The following PTPRO variants were observed in gnomAD, a reference collection of about 807,000 sequenced individuals.
PTPRO encodes the protein receptor-type tyrosine-protein phosphatase O.
In PTPRO, 62 loss-of-function variants were observed where a neutral mutation model predicts 145.2. The ratio of observed to expected loss-of-function variants is 0.43; its 90% confidence interval spans 0.35 to 0.53. PTPRO has a LOEUF of 0.53. Ranked by LOEUF, PTPRO falls within the 20% of genes least tolerant of loss-of-function variation. The pLI, the probability that PTPRO is intolerant of heterozygous loss-of-function variation, is 0.01. For synonymous variants in PTPRO, 565 were observed against 514.7 expected (o/e 1.10, Z -1.32); for missense variants, 1,345 against 1,482.7 (o/e 0.91, Z 1.53).
chr12:15,475,312 C>A (rs1941629922), intron 1 of PTPRO, among the ~76,000 whole-genome samples: 1 of 152,104 alleles, frequency 6.6e-6, no homozygotes, highest in African/African-American at 2.4e-5. Context: ...GAACTAAAAG[C>A]CAGATTTCAA....
intron 1 of PTPRO, among the ~76,000 whole-genome samples, chr12:15,411,310 A>T (rs1391867135): frequency 6.6e-6 from 1 of 152,320 alleles, no homozygotes; most frequent in Non-Finnish European, 1.5e-5. Flanking sequence ...TACACAAAAA[A>T]CTTAGGCTAT....
At chr12:15,396,796 C>T (rs1939353967) in intron 1 of PTPRO, among the ~76,000 whole-genome samples, 1 of 152,300 alleles carries the variant, frequency 6.6e-6, no homozygotes, top group African/African-American at 2.4e-5. Flanking sequence ...TTAATATAGT[C>T]TTTCCCTTTG....
At chr12:15,530,310 G>T (rs977652000) in intron 12 of PTPRO, among the ~76,000 whole-genome samples, 1 of 152,144 alleles carries the variant, frequency 6.6e-6, no homozygotes, top group African/African-American at 2.4e-5. Context: ...TCTCAGTAAC[G>T]TATAGATCTT....
chr12:15,502,539 T>A (rs1320699393), intron 5 of PTPRO, among the ~76,000 whole-genome samples: 5 of 152,198 alleles, frequency 3.3e-5, no homozygotes, highest in Non-Finnish European at 1.5e-5. Context: ...GCCGCTCTTG[T>A]TCCCTTTAGG....
intron 1 of PTPRO, among the ~76,000 whole-genome samples, chr12:15,451,978 A>G (rs1482983517): frequency 6.6e-6 from 1 of 152,106 alleles, no homozygotes; most frequent in Non-Finnish European, 1.5e-5. Flanking sequence ...TAGCAGAAGA[A>G]AGGAAATAAC....
At chr12:15,445,784 T>C (rs1167122044) in intron 1 of PTPRO, among the ~76,000 whole-genome samples, 1 of 152,176 alleles carries the variant, frequency 6.6e-6, no homozygotes. Flanking sequence ...AATTTCTACT[T>C]GATTTCCTTA....
At chr12:15,379,093 A>G (rs1427549168) in intron 1 of PTPRO, among the ~76,000 whole-genome samples, 1 of 152,180 alleles carries the variant, frequency 6.6e-6, no homozygotes, top group Non-Finnish European at 1.5e-5. Context: ...AAGGTAAAAT[A>G]GTATGGCCAC....
At position 15,562,785 on chromosome 12, in the gene PTPRO, C is replaced by G. The variant is rs150363233; in HGVS notation, c.2711+2509C>G. Among the ~76,000 whole-genome samples, 3 of 148,642 alleles carry G rather than the reference C, an allele frequency of 2.0e-5. No homozygotes were observed. In the East Asian group the frequency reaches 5.9e-4, roughly 29 times the overall value. On this transcript the variant is annotated intron_variant, in intron 17 of 26. Coordinates refer to ENST00000281171, the MANE Select transcript of PTPRO (RefSeq NM_030667.3). Reference sequence around the variant, plus strand: ...GCCATAATGACCCTCATGCTGTACTCAGGTATTTATCTGCTTGTTCTCAAT... The same window carrying G: ...GCCATAATGACCCTCATGCTGTACTGAGGTATTTATCTGCTTGTTCTCAAT...
At chr12:15,328,113 CAAA>C (rs745813599) in intron 1 of PTPRO, among the ~76,000 whole-genome samples, 1 of 117,388 alleles carries the variant, frequency 8.5e-6, no homozygotes. Flanking sequence ...AAACTTGTCT[CAAA>C]AAAAAAAAAA....
chr12:15,433,098 T>C (rs1052565549), intron 1 of PTPRO, among the ~76,000 whole-genome samples: 3 of 152,102 alleles, frequency 2.0e-5, no homozygotes, highest in African/African-American at 4.8e-5. Flanking sequence ...GTCTTCACCA[T>C]GAAATCTTTG....
At chr12:15,452,208 A>G (rs1259900244) in intron 1 of PTPRO, among the ~76,000 whole-genome samples, 1 of 152,206 alleles carries the variant, frequency 6.6e-6, no homozygotes, top group Non-Finnish European at 1.5e-5. Context: ...CAAAGTTACT[A>G]TGAACACCTT....
intron 1 of PTPRO, among the ~76,000 whole-genome samples, chr12:15,424,910 A>G (rs1332709878): frequency 1.3e-5 from 2 of 152,108 alleles, no homozygotes; most frequent in Non-Finnish European, 2.9e-5. Flanking sequence ...CTCCCATCTC[A>G]TCTGGGAGAA....
intron 1 of PTPRO, among the ~76,000 whole-genome samples, chr12:15,446,416 A>G (rs905910390): frequency 1.3e-5 from 2 of 152,176 alleles, no homozygotes; most frequent in Non-Finnish European, 2.9e-5. Flanking sequence ...CACTCAGAGC[A>G]GCATTTGCTG....
chr12:15,539,761 C>CAAAAAAAAAAA (rs56061735), intron 12 of PTPRO, among the ~76,000 whole-genome samples: 1 of 52,484 alleles, frequency 1.9e-5, no homozygotes, highest in African/African-American at 8.5e-5. Flanking sequence ...GACTCTGTCT[C>CAAAAAAAAAAA]AAAAAAAAAA....
intron 1 of PTPRO, among the ~76,000 whole-genome samples, chr12:15,359,767 T>C (rs1938117871): frequency 6.6e-6 from 1 of 152,156 alleles, no homozygotes; most frequent in Admixed American, 6.6e-5. Context: ...AAGTTTGTTT[T>C]TGTTGACTTA....
chr12:15,506,014 C>T (rs1942314074), intron 6 of PTPRO, among the ~76,000 whole-genome samples: 1 of 152,136 alleles, frequency 6.6e-6, no homozygotes, highest in Admixed American at 6.5e-5. Context: ...TCAGTGACTT[C>T]CCCAAGTGTC....
chr12:15,474,203 T>G lies in PTPRO; in HGVS notation c.76-9771T>G, dbSNP rs1941604983. 2.0e-5 allele frequency among the ~76,000 whole-genome samples: 3 copies of G among 152,222 alleles called. No homozygotes were observed. The South Asian group carries it at 6.2e-4, about 31-fold the overall frequency. ...GGCATTAATGGACAATAGTGCTAAA[T>G]TTTCAGTGATGGTGGGAGCTTTCCT... On this transcript the variant is annotated intron_variant, in intron 1 of 26. Coordinates refer to ENST00000281171, the MANE Select transcript of PTPRO (RefSeq NM_030667.3).
chr12:15,524,640 C>T (rs1942799719), intron 10 of PTPRO, among the ~76,000 whole-genome samples, 174 bp from the exon 11 acceptor site: 1 of 152,094 alleles, frequency 6.6e-6, no homozygotes, highest in African/African-American at 2.4e-5. Flanking sequence ...AACAAGTGCC[C>T]ATCCTGTATC....
intron 1 of PTPRO, among the ~76,000 whole-genome samples, chr12:15,462,745 C>G (rs1476739855): frequency 6.6e-6 from 1 of 152,056 alleles, no homozygotes; most frequent in African/African-American, 2.4e-5. Flanking sequence ...TAGAGAAATT[C>G]CTGGCATATA....
Sources: allele counts gnomAD v4.1 joint callset (sites outside exome capture counted in the v4.1 genomes callset), GRCh38; gene constraint gnomAD v4.1.1; transcripts MANE v1.5; gene names NCBI Gene and HGNC (gene_info 2026-07-23, HGNC 2026-07-21).